The following PREX2 variants were observed in gnomAD, a reference collection of about 807,000 sequenced individuals.
PREX2 encodes the protein phosphatidylinositol 3,4,5-trisphosphate-dependent Rac exchanger 2 protein.
Under a neutral mutation model 203.2 loss-of-function variants are expected in PREX2, and 107 were observed. The ratio of observed to expected loss-of-function variants is 0.53; its 90% confidence interval spans 0.45 to 0.62. The LOEUF (loss-of-function observed/expected upper bound fraction) is 0.62. PREX2 is among the 20% of genes least tolerant of loss of function. The pLI is 0.00. For synonymous variants in PREX2, 672 were observed against 663.6 expected (o/e 1.01, Z -0.19); for missense variants, 1,777 against 1,955.9 (o/e 0.91, Z 1.72).
intron 1 of PREX2, among the ~76,000 whole-genome samples, chr8:67,988,073 T>C (rs750264413): frequency 3.3e-5 from 5 of 152,224 alleles, no homozygotes; most frequent in South Asian, 2.1e-4. Context: ...CCTTGTACCA[T>C]AGAAAATATC....
Position 68,138,502 on chromosome 8 carries a change from G to A in PREX2, c.4072G>A (p.Glu1358Lys). 6.3e-7 allele frequency: 1 copy of A among 1,586,792 alleles called. No individual in the cohort carries two copies. Among genetic ancestry groups the A allele is most frequent in the Admixed American group, 1.7e-5 (1 of 58,566 alleles). Residue 1358 changes from glutamate (E) to lysine (K), a missense_variant, in exon 33 of 40, where the codon GAA becomes AAA. Transcript: ENST00000288368. ...VSFYFKPSEE[E>K]PLVANVPLTY... is the part of the protein sequence containing the mutation. ...CTTTTACTTTAAACCATCAGAAGAG[G>A]AACCTCTGGTTGCAAGTAAGTAATT...
At chr8:68,141,051 A>G (rs1811219625) in intron 33 of PREX2, among the ~76,000 whole-genome samples, 1 of 152,180 alleles carries the variant, frequency 6.6e-6, no homozygotes, top group South Asian at 2.1e-4. Flanking sequence ...CAAATTAAAC[A>G]AGGCTTTTTT....
intron 21 of PREX2, among the ~76,000 whole-genome samples, chr8:68,096,111 A>G (rs1297938503): frequency 6.6e-6 from 1 of 152,208 alleles, no homozygotes; most frequent in Non-Finnish European, 1.5e-5. Flanking sequence ...ATGGTAATAC[A>G]TAATATTTAT....
chr8:68,129,556 T>C (rs1389608780), intron 31 of PREX2, among the ~76,000 whole-genome samples: 2 of 152,190 alleles, frequency 1.3e-5, no homozygotes, highest in Non-Finnish European at 2.9e-5. Context: ...TCTAATCTCC[T>C]TTTTTGTTGT....
At chr8:68,070,837 T>TTGCA (rs2129611617) in intron 13 of PREX2, among the ~76,000 whole-genome samples, 1 of 152,256 alleles carries the variant, frequency 6.6e-6, no homozygotes, top group South Asian at 2.1e-4. Context: ...AACACACTGT[T>TTGCA]TGCAGGTCCT....
rs747078134 is a variant in PREX2 at position 68,233,950 on chromosome 8, G to A, written c.*2572G>A. The A allele has an allele frequency of 1.3e-5, 2 of 152,096 alleles. No individual in the cohort carries two copies. 9.4% of individuals were successfully genotyped at this position (152,096 alleles called of 1,614,324 possible). A position where few individuals can be genotyped will look rare whatever the true frequency, so the allele number is the denominator to read the frequency against. ...AATTATACATCTTGTATTAAAAAACGGTGAATGGAAATATGTAAATGCTTT... is the reference window on the plus strand; with the variant it reads ...AATTATACATCTTGTATTAAAAAACAGTGAATGGAAATATGTAAATGCTTT... On this transcript the variant is annotated 3_prime_UTR_variant, in exon 40 of 40. Coordinates refer to ENST00000288368, the MANE Select transcript of PREX2 (RefSeq NM_024870.4).
In PREX2 at chr8:67,952,389, C is replaced by T. The variant is rs1439057016; in HGVS notation, c.-6C>T. ...GGCAGCGCCGCGCTGCGCACCGCCG[C>T]CGACCATGAGCGAGGACAGCCGCGG... On this transcript the variant is annotated 5_prime_UTR_variant, in exon 1 of 40. Transcript: ENST00000288368. 6.5e-7 allele frequency: 1 copy of T among 1,533,964 alleles called. No homozygotes were observed. The highest frequency in any genetic ancestry group is 8.8e-7 in the Non-Finnish European group (1 of 1,141,640).
intron 33 of PREX2, among the ~76,000 whole-genome samples, chr8:68,139,983 C>A (rs1237122096): frequency 2.0e-5 from 3 of 152,092 alleles, no homozygotes; most frequent in African/African-American, 7.2e-5. Flanking sequence ...TGTGATATAA[C>A]CTGATATGTT....
chr8:68,229,436 TAG>T (rs1239023881), intron 39 of PREX2, among the ~76,000 whole-genome samples: 1 of 152,196 alleles, frequency 6.6e-6, no homozygotes, highest in African/African-American at 2.4e-5. Context: ...ACATTTCACT[TAG>T]AAATTTCATC....
At chr8:67,999,435 T>C (rs2129609695) in intron 1 of PREX2, among the ~76,000 whole-genome samples, 1 of 109,920 alleles carries the variant, frequency 9.1e-6, no homozygotes, top group African/African-American at 3.6e-5. Flanking sequence ...AACAGACCAA[T>C]AATGAGCTCC....
chr8:68,040,390 C>T (rs1463807769), intron 7 of PREX2, among the ~76,000 whole-genome samples: 1 of 152,108 alleles, frequency 6.6e-6, no homozygotes, highest in East Asian at 1.9e-4. Flanking sequence ...CCAGCTCCTG[C>T]CTGCCTCTCA....
intron 2 of PREX2, among the ~76,000 whole-genome samples, chr8:68,018,742 T>C (rs1177363317): frequency 3.3e-5 from 5 of 152,310 alleles, no homozygotes; most frequent in Non-Finnish European, 5.9e-5. Flanking sequence ...AAAAGGATGG[T>C]AAATGAAAAT....
intron 30 of PREX2, among the ~76,000 whole-genome samples, chr8:68,121,402 CAAA>C (rs34585912): frequency 6.8e-6 from 1 of 147,264 alleles, no homozygotes; most frequent in South Asian, 2.1e-4. Flanking sequence ...AGTTTATCCA[CAAA>C]AAAAAAATCA....
chr8:68,188,552 G>A (rs981659123), intron 35 of PREX2, among the ~76,000 whole-genome samples: 11 of 152,312 alleles, frequency 7.2e-5, no homozygotes, highest in Admixed American at 2.6e-4. Flanking sequence ...TTGAGACTGG[G>A]TAATTTATAA....
At chr8:67,976,125 G>A (rs1263342033) in intron 1 of PREX2, among the ~76,000 whole-genome samples, 3 of 152,198 alleles carry the variant, frequency 2.0e-5, no homozygotes, top group South Asian at 2.1e-4. Context: ...AGTTGTCTTC[G>A]TAATGAACCA....
chr8:68,192,353 G>T lies in PREX2; in HGVS notation c.4432G>T (p.Ala1478Ser). The T allele has an allele frequency of 6.2e-7, 1 of 1,603,338 alleles. No individual in the cohort carries two copies. Among genetic ancestry groups the T allele is most frequent in the Non-Finnish European group, 8.5e-7 (1 of 1,173,304 alleles). The change falls in exon 37 of 40, where the codon GCT becomes TCT. Residue 1478 changes from alanine (A) to serine (S), a missense_variant. Transcript: ENST00000288368. ...TCTGCAGCTAATGAGGCCTCTCAAC[G>T]CTTTGGATGAACTTTACCGACTGGT... The part of the protein sequence containing the change: ...YVDKLMRPLN[A>S]LDELYRLVAS...
chr8:68,027,241 G>A lies in PREX2; in HGVS notation c.461G>A (p.Gly154Glu). The change falls in exon 5 of 40, where the codon GGA becomes GAA. Residue 154 changes from glycine to glutamate, a missense_variant. Physicochemically the swap from Gly to Glu is moderately conservative, Grantham distance 98 (BLOSUM62 -2). Transcript: ENST00000288368. ...CCCCAGAACTGCATGCTGCTTGGAGGACGGAAGAACACAGATGTTCCCTTG... is the reference window on the plus strand; with the variant it reads ...CCCCAGAACTGCATGCTGCTTGGAGAACGGAAGAACACAGATGTTCCCTTG... ...TFLLNCMLLG[G>E]RKNTDVPLEG... 6.2e-7 allele frequency: 1 copy of A among 1,611,624 alleles called. No individual in the cohort carries two copies. The highest frequency in any genetic ancestry group is 1.1e-5 in the South Asian group (1 of 91,010).
chr8:68,175,683 T>C (rs1190324201), intron 35 of PREX2, among the ~76,000 whole-genome samples: 1 of 152,118 alleles, frequency 6.6e-6, no homozygotes, highest in Non-Finnish European at 1.5e-5. Context: ...TCATAATGAA[T>C]GTTCCTCATG....
At chr8:68,174,953 G>A (rs557610285) in intron 35 of PREX2, among the ~76,000 whole-genome samples, 4 of 152,298 alleles carry the variant, frequency 2.6e-5, no homozygotes, top group African/African-American at 4.8e-5. Flanking sequence ...GTATGCAAGC[G>A]CAGGAATGTG....
Sources: gnomAD v4.1 joint callset for allele counts (sites outside exome capture counted in the v4.1 genomes callset) on GRCh38, gnomAD v4.1.1 for gene constraint, MANE v1.5 for transcripts, NCBI Gene and HGNC (gene_info 2026-07-23, HGNC 2026-07-21) for gene names.